Variants in SNX24 observed in about 807,000 individuals in gnomAD.
SNX24 encodes the protein sorting nexin-24.
Under a neutral mutation model 28.7 loss-of-function variants are expected in SNX24, and 22 were observed. That is an observed-to-expected ratio of 0.77 (90% CI 0.55 to 1.10). SNX24 has a LOEUF of 1.10. Among genes scored for constraint, SNX24 ranks in the 50% least tolerant of loss-of-function variants. SNX24 has a pLI of 0.00. For missense variants in SNX24, 221 were observed against 201.1 expected (o/e 1.10, Z -0.60); for synonymous variants, 69 against 71.5 (o/e 0.96, Z 0.18).
intron 3 of SNX24, among the ~76,000 whole-genome samples, chr5:122,970,910 A>G (rs1041195913): frequency 6.6e-6 from 1 of 152,156 alleles, no homozygotes; most frequent in African/African-American, 2.4e-5. Flanking sequence ...GCTTATTTCC[A>G]GTACACCCTT....
intron 6 of SNX24, 56 bp downstream of exon 6, chr5:123,002,060 T>C (rs768250344): frequency 2.9e-6 from 4 of 1,375,910 alleles, no homozygotes; most frequent in Non-Finnish European, 4.1e-6. Context: ...CTGCACCACA[T>C]AAACCACGTT....
At chr5:122,946,187 T>C (rs770863022) in intron 3 of SNX24, 28 bp downstream of exon 3, 5 of 1,300,256 alleles carry the variant, frequency 3.8e-6, no homozygotes, top group Non-Finnish European at 5.5e-6. Context: ...CCTCATTTTA[T>C]ATAACATAAA....
intron 5 of SNX24, among the ~76,000 whole-genome samples, chr5:123,026,340 T>C (rs1228622357): frequency 6.6e-6 from 1 of 152,166 alleles, no homozygotes; most frequent in Non-Finnish European, 1.5e-5. Flanking sequence ...TCCTAGTGGC[T>C]GTGCACCTGT....
intron 1 of SNX24, among the ~76,000 whole-genome samples, chr5:122,892,580 C>T (rs1211206832): frequency 6.6e-6 from 1 of 151,690 alleles, no homozygotes; most frequent in African/African-American, 2.4e-5. Context: ...GCTGGGACTA[C>T]AGGCGCCCAC....
At position 122,863,747 on chromosome 5, in the gene SNX24, G is replaced by T. The variant is rs180843905; in HGVS notation, c.60+18054G>T. ...ATTTTTTATTTTTTGTAGAGGTGGG[G>T]TCTCACTGTGTTGCCAAGGCTGGTC... On this transcript the variant is annotated intron_variant, in intron 1 of 6. Coordinates refer to ENST00000261369, the MANE Select transcript of SNX24 (RefSeq NM_014035.4). Among the ~76,000 whole-genome samples the T allele has an allele frequency of 1.8e-3, 274 of 152,282 alleles. 1 individual carries two copies. Among genetic ancestry groups the T allele is most frequent in the South Asian group, 4.1e-3 (20 of 4,822 alleles).
intron 6 of SNX24, 34 bp from the exon 7 acceptor site, chr5:123,007,648 C>CTTTTTTTT: frequency 5.0e-6 from 7 of 1,388,960 alleles, no homozygotes; most frequent in South Asian, 2.6e-5. Context: ...AGCAGTTTTT[C>CTTTTTTTT]TTTTTTTTTT....
At chr5:122,906,036 C>T (rs1757633466) in intron 1 of SNX24, among the ~76,000 whole-genome samples, 1 of 152,192 alleles carries the variant, frequency 6.6e-6, no homozygotes, top group Admixed American at 6.5e-5. Flanking sequence ...ATAAAACAAC[C>T]ACAAGCACTT....
chr5:122,896,146 TCAAA>T (rs919045625), intron 1 of SNX24, among the ~76,000 whole-genome samples: 7 of 152,350 alleles, frequency 4.6e-5, no homozygotes, highest in South Asian at 2.1e-4. Flanking sequence ...AGGCTCCATC[TCAAA>T]CAAACAAACA....
chr5:122,927,967 A>C (rs1205830654), intron 1 of SNX24, among the ~76,000 whole-genome samples: 1 of 152,236 alleles, frequency 6.6e-6, no homozygotes, highest in Non-Finnish European at 1.5e-5. Flanking sequence ...CCAGTTGCTC[A>C]GACCAAAAAC....
chr5:122,992,123 T>C (rs1392579773), intron 3 of SNX24, among the ~76,000 whole-genome samples: 1 of 152,174 alleles, frequency 6.6e-6, no homozygotes, highest in Non-Finnish European at 1.5e-5. Flanking sequence ...ATTCGAACAG[T>C]AGTTTTGAAG....
At chr5:122,958,495 C>A (rs1256773992) in intron 3 of SNX24, among the ~76,000 whole-genome samples, 1 of 152,050 alleles carries the variant, frequency 6.6e-6, no homozygotes, top group Non-Finnish European at 1.5e-5. Context: ...CTCAGGTGAT[C>A]CACCCACCTT....
At position 123,007,903 on chromosome 5, in the gene SNX24, C is replaced by G; in HGVS notation, c.*154C>G. The G allele has an allele frequency of 6.9e-7, 1 of 1,439,300 alleles. No homozygotes were observed. The highest frequency in any genetic ancestry group is 9.1e-7 in the Non-Finnish European group (1 of 1,095,128). 89.2% of individuals were successfully genotyped at this position (1,439,300 alleles called of 1,614,324 possible). Reference sequence around the variant, plus strand: ...AGCTTAATTCAGGGCAGGGACATTTCCATTAGAATGGTGCTCTTAAAAATA... The same window carrying G: ...AGCTTAATTCAGGGCAGGGACATTTGCATTAGAATGGTGCTCTTAAAAATA... On this transcript the variant is annotated 3_prime_UTR_variant, in exon 7 of 7. Transcript: ENST00000261369.
At chr5:122,917,745 G>A (rs1231038695) in intron 1 of SNX24, among the ~76,000 whole-genome samples, 1 of 152,160 alleles carries the variant, frequency 6.6e-6, no homozygotes, top group African/African-American at 2.4e-5. Flanking sequence ...ATAAGTGGGT[G>A]CCCTAGCTTC....
chr5:122,847,943 T>G (rs1466829929), intron 1 of SNX24, among the ~76,000 whole-genome samples: 1 of 152,216 alleles, frequency 6.6e-6, no homozygotes, highest in African/African-American at 2.4e-5. Flanking sequence ...GTGTCTGTAT[T>G]CTGGGTGTAG....
chr5:123,019,160 C>T (rs896170838), intron 5 of SNX24, among the ~76,000 whole-genome samples: 2 of 152,078 alleles, frequency 1.3e-5, no homozygotes, highest in African/African-American at 4.8e-5. Context: ...TTATATCACA[C>T]CTAAAACTTA....
At chr5:123,006,817 A>G (rs186570903) in intron 6 of SNX24, among the ~76,000 whole-genome samples, 23 of 152,302 alleles carry the variant, frequency 1.5e-4, no homozygotes, top group African/African-American at 4.8e-4. Flanking sequence ...GATGAGGCCC[A>G]ATCCCCTAGT....
At chr5:122,970,117 T>C (rs1760893226) in intron 3 of SNX24, among the ~76,000 whole-genome samples, 1 of 150,878 alleles carries the variant, frequency 6.6e-6, no homozygotes, top group Non-Finnish European at 1.5e-5. Flanking sequence ...TCCTCTAAGA[T>C]CATCATGGCA....
chr5:122,867,533 G>T (rs937478132), intron 1 of SNX24, among the ~76,000 whole-genome samples: 10 of 152,104 alleles, frequency 6.6e-5, no homozygotes, highest in African/African-American at 2.4e-4. Flanking sequence ...TGGGTGCTCT[G>T]CAGTGGCTGT....
intron 1 of SNX24, among the ~76,000 whole-genome samples, chr5:122,889,112 C>G (rs1756840528): frequency 6.6e-6 from 1 of 152,134 alleles, no homozygotes; most frequent in Admixed American, 6.5e-5. Flanking sequence ...CTTGGCCTCC[C>G]AAAGTTCTGG....
Sources: gnomAD v4.1 joint callset for allele counts (sites outside exome capture counted in the v4.1 genomes callset) on GRCh38, gnomAD v4.1.1 for gene constraint, MANE v1.5 for transcripts, NCBI Gene and HGNC (gene_info 2026-07-23, HGNC 2026-07-21) for gene names.